STXBP5: variants seen among roughly 807,000 people sequenced by gnomAD.
STXBP5 encodes syntaxin binding protein 5.
In STXBP5, 50 loss-of-function variants were observed where a neutral mutation model predicts 152.4. That is an observed-to-expected ratio of 0.33 (90% confidence interval 0.26 to 0.42). STXBP5 has a LOEUF of 0.42. Among genes scored for constraint, STXBP5 ranks in the 10% least tolerant of loss-of-function variants. STXBP5 has a pLI of 1.00. For missense variants in STXBP5, 1,167 were observed against 1,388.6 expected (o/e 0.84, Z 2.54); for synonymous variants, 492 against 494.7 (o/e 0.99, Z 0.07).
intron 21 of STXBP5, among the ~76,000 whole-genome samples, chr6:147,352,861 A>G (rs1784650998): frequency 6.6e-6 from 1 of 152,130 alleles, no homozygotes; most frequent in Non-Finnish European, 1.5e-5. Context: ...TACATCAAGT[A>G]AGTAAAAACT....
intron 4 of STXBP5, among the ~76,000 whole-genome samples, chr6:147,253,917 CT>C (rs1779227307): frequency 6.6e-6 from 1 of 152,180 alleles, no homozygotes; most frequent in Non-Finnish European, 1.5e-5. Flanking sequence ...CTACCATTGA[CT>C]TTCTTCACAG....
chr6:147,333,801 C>CT (rs1448531767), intron 18 of STXBP5, among the ~76,000 whole-genome samples: 1 of 152,178 alleles, frequency 6.6e-6, no homozygotes, highest in African/African-American at 2.4e-5. Context: ...CATGTAACTC[C>CT]TTGCCCAGCT....
At chr6:147,368,842 C>A (rs1785413908) in intron 25 of STXBP5, among the ~76,000 whole-genome samples, 1 of 151,678 alleles carries the variant, frequency 6.6e-6, no homozygotes, top group South Asian at 2.1e-4. Context: ...ACCATACCAT[C>A]TATAATAGCA....
At chr6:147,329,617 CTTT>C (rs34913817) in intron 18 of STXBP5, among the ~76,000 whole-genome samples, 1 of 71,708 alleles carries the variant, frequency 1.4e-5, no homozygotes, top group African/African-American at 5.6e-5. Flanking sequence ...GTTCTTCAGG[CTTT>C]TTTTTTTTTT....
chr6:147,370,531 C>G (rs1189153824), intron 25 of STXBP5, among the ~76,000 whole-genome samples: 7 of 152,036 alleles, frequency 4.6e-5, no homozygotes, highest in African/African-American at 1.7e-4. Flanking sequence ...TTATTCTTAA[C>G]TGTACCATAG....
At chr6:147,323,416 A>G (rs1302553610) in intron 16 of STXBP5, among the ~76,000 whole-genome samples, 1 of 150,166 alleles carries the variant, frequency 6.7e-6, no homozygotes, top group African/African-American at 2.5e-5. Context: ...TTGGAGACGG[A>G]GATCTCACTC....
chr6:147,308,360 C>T (rs191327632), intron 9 of STXBP5, among the ~76,000 whole-genome samples: 32 of 152,262 alleles, frequency 2.1e-4, no homozygotes, highest in African/African-American at 7.5e-4. Flanking sequence ...TCCCTAACTG[C>T]TATTTAGCTA....
At chr6:147,223,786 G>C (rs891228754) in intron 2 of STXBP5, among the ~76,000 whole-genome samples, 21 of 152,158 alleles carry the variant, frequency 1.4e-4, no homozygotes, top group African/African-American at 4.8e-4. Flanking sequence ...AGCCAAAATT[G>C]AGAAATACTG....
chr6:147,363,288 CTG>C, intron 23 of STXBP5, 45 bp from the exon 24 acceptor site: 1 of 1,510,464 alleles, frequency 6.6e-7, no homozygotes, highest in South Asian at 1.3e-5. Context: ...CGTGTTTACT[CTG>C]TTGATTAAAA....
intron 25 of STXBP5, among the ~76,000 whole-genome samples, chr6:147,373,158 G>A (rs1583010405): frequency 2.0e-5 from 3 of 151,962 alleles, no homozygotes; most frequent in African/African-American, 7.2e-5. Flanking sequence ...CTTGAGGCCA[G>A]GAGTTCAAGA....
At chr6:147,357,620 A>C (rs1003043662) in intron 22 of STXBP5, among the ~76,000 whole-genome samples, 2 of 152,148 alleles carry the variant, frequency 1.3e-5, no homozygotes, top group Non-Finnish European at 2.9e-5. Context: ...TTGTCTAAGT[A>C]AATGGTGAGG....
chr6:147,295,967 A>G (rs1053674266), intron 9 of STXBP5, among the ~76,000 whole-genome samples: 8 of 152,100 alleles, frequency 5.3e-5, no homozygotes, highest in African/African-American at 1.9e-4. Context: ...CCATGCTCAC[A>G]TGGGTGACTA....
At chr6:147,380,645 GA>G (rs372984184) in intron 26 of STXBP5, among the ~76,000 whole-genome samples, 6,649 of 145,470 alleles carry the variant, frequency 0.046, 178 homozygotes, top group Admixed American at 0.059. Flanking sequence ...GCAACCAAAG[GA>G]AAAAAAAAAG....
In STXBP5 at chr6:147,359,142, A is replaced by ATT; in HGVS notation, c.2364_2365insTT (p.Glu789LeufsTer34). On this transcript the variant is annotated frameshift_variant, in exon 23 of 28. Transcript: ENST00000321680. LOFTEE classifies it high-confidence loss of function. ...GTTCAAGTGTAACAAGCATTGACAA[A>ATT]GAATCCCGAGAAGCGATCTCCGCTC... 6.2e-7 allele frequency: 1 copy of ATT among 1,614,026 alleles called. No individual in the cohort carries two copies. The highest frequency in any genetic ancestry group is 8.5e-7 in the Non-Finnish European group (1 of 1,179,922).
chr6:147,255,501 T>G (rs946076320), intron 4 of STXBP5, among the ~76,000 whole-genome samples: 1 of 151,040 alleles, frequency 6.6e-6, no homozygotes, highest in Non-Finnish European at 1.5e-5. Context: ...TTTGTTCCTT[T>G]TTGTTGTTGT....
chr6:147,339,409 G>T (rs1395327537), intron 21 of STXBP5, 25 bp downstream of exon 21: 3 of 1,465,330 alleles, frequency 2.0e-6, no homozygotes, highest in African/African-American at 2.9e-5. Context: ...TTTCTATTTT[G>T]TTTCTAATCC....
At chr6:147,213,473 T>TGCGCGCGCGCGCGC (rs1402421132) in intron 2 of STXBP5, among the ~76,000 whole-genome samples, 1 of 126,426 alleles carries the variant, frequency 7.9e-6, no homozygotes. Flanking sequence ...TGTGTGTGTG[T>TGCGCGCGCGCGCGC]GTGTGCGCGC....
intron 2 of STXBP5, among the ~76,000 whole-genome samples, chr6:147,215,010 G>A (rs1462051621): frequency 6.6e-6 from 1 of 152,194 alleles, no homozygotes; most frequent in Non-Finnish European, 1.5e-5. Flanking sequence ...GAGTCTGTAG[G>A]AGTCAGTGAA....
chr6:147,363,344 T>C lies in STXBP5; in HGVS notation c.2555T>C (p.Leu852Ser). The change falls in exon 24 of 28, where the codon TTG becomes TCG. Residue 852 changes from leucine to serine, a missense_variant. By Grantham distance (145) the Leu-to-Ser change is moderately radical. Around this residue, in one of 3 missense-constraint regions of STXBP5, gnomAD observed 833 missense variants for 986.3 expected, o/e 0.84. Transcript: ENST00000321680. ...PVIVSPSGTI[L>S]RLKGAILRMA... is the part of the protein sequence containing the mutation. ...GACTTCTATATTTTAGGTACTATAT[T>C]GAGGTTAAAAGGTGCAATCTTGAGA... 1.9e-6 allele frequency: 3 copies of C among 1,590,920 alleles called. No individual in the cohort carries two copies. The highest frequency in any genetic ancestry group is 2.6e-6 in the Non-Finnish European group (3 of 1,171,658).
Sources: gnomAD v4.1 joint callset for allele counts (sites outside exome capture counted in the v4.1 genomes callset) on GRCh38, gnomAD v4.1.1 for gene constraint, gnomAD v4.1.1 regional missense constraint, MANE v1.5 for transcripts, NCBI Gene and HGNC (gene_info 2026-07-23, HGNC 2026-07-21) for gene names.